RIMS2: variants seen among roughly 807,000 people sequenced by gnomAD.
RIMS2 encodes the protein regulating synaptic membrane exocytosis protein 2.
RIMS2 carries 59 observed loss-of-function variants against 174.4 expected under a neutral mutation model. That is an observed-to-expected ratio of 0.34 (90% CI 0.27 to 0.42). The LOEUF is 0.42. RIMS2 is among the 10% of genes least tolerant of loss of function. The pLI is 1.00. For missense variants in RIMS2, 1,620 were observed against 1,666.3 expected, an observed-to-expected ratio of 0.97 and a Z score of 0.48; for synonymous variants, 606 against 572.5, an observed-to-expected ratio of 1.06 and a Z score of -0.84.
chr8:103,998,321 C>T, intron 17 of RIMS2: 1 of 1,000,344 alleles, frequency 1.0e-6, no homozygotes, highest in Non-Finnish European at 1.5e-6. Flanking sequence ...ATATAGTTCA[C>T]TTTTATTTCT....
chr8:104,028,528 G>T (rs2096307798), intron 19 of RIMS2, among the ~76,000 whole-genome samples: 1 of 151,954 alleles, frequency 6.6e-6, no homozygotes, highest in South Asian at 2.1e-4. Context: ...CTTTAATTAT[G>T]TTTTAAAAAT....
intron 19 of RIMS2, among the ~76,000 whole-genome samples, chr8:104,161,876 TG>T (rs1203255917): frequency 6.6e-6 from 1 of 152,220 alleles, no homozygotes; most frequent in Non-Finnish European, 1.5e-5. Context: ...CCCATTTTCC[TG>T]GACATATGAC....
At chr8:104,086,266 G>GT (rs377670155) in intron 19 of RIMS2, among the ~76,000 whole-genome samples, 24,932 of 112,752 alleles carry the variant, frequency 0.22, 2,760 homozygotes, top group East Asian at 0.55. Flanking sequence ...GTTCTGGTGG[G>GT]TTTTTTTTTT....
chr8:103,610,585 T>A (rs1368337351), intron 1 of RIMS2, among the ~76,000 whole-genome samples: 1 of 152,234 alleles, frequency 6.6e-6, no homozygotes, highest in Non-Finnish European at 1.5e-5. Context: ...TCTATTGCGA[T>A]AATGATGTGC....
At position 103,740,232 on chromosome 8, in the gene RIMS2, C is replaced by T. The variant is rs2097746358; in HGVS notation, c.388-25995C>T. Among the ~76,000 whole-genome samples the T allele has an allele frequency of 2.0e-5, 3 of 152,144 alleles. No individual in the cohort carries two copies. In the South Asian group the frequency reaches 6.2e-4, roughly 31 times the overall value. On this transcript the variant is annotated intron_variant, in intron 2 of 23. Transcript: ENST00000504942. ...GGAGGGGAAGAATATACGTTGTTAACATGCCAAGTGGGAACGTGAAATGTA... is the reference window on the plus strand; with the variant it reads ...GGAGGGGAAGAATATACGTTGTTAATATGCCAAGTGGGAACGTGAAATGTA...
chr8:103,740,459 A>G (rs1040676899), intron 2 of RIMS2, among the ~76,000 whole-genome samples: 3 of 152,168 alleles, frequency 2.0e-5, no homozygotes, highest in African/African-American at 7.2e-5. Context: ...TGCTCAGAAA[A>G]TATTGTACAC....
At chr8:103,670,858 A>G (rs1399750693) in intron 1 of RIMS2, among the ~76,000 whole-genome samples, 1 of 152,134 alleles carries the variant, frequency 6.6e-6, no homozygotes, top group East Asian at 1.9e-4. Flanking sequence ...AGACTGTCCA[A>G]ATCTCTGGAC....
At chr8:104,134,003 A>G (rs1228027590) in intron 19 of RIMS2, among the ~76,000 whole-genome samples, 1 of 152,214 alleles carries the variant, frequency 6.6e-6, no homozygotes, top group East Asian at 1.9e-4. Flanking sequence ...AAAGAAGCTC[A>G]GCCTACTAAC....
At chr8:103,654,689 T>C (rs1230991962) in intron 1 of RIMS2, among the ~76,000 whole-genome samples, 1 of 151,948 alleles carries the variant, frequency 6.6e-6, no homozygotes, top group South Asian at 2.1e-4. Context: ...TTATAAGGCT[T>C]CTTCTTTCTG....
At chr8:103,887,132 CTCTT>C (rs1318503548) in intron 4 of RIMS2, among the ~76,000 whole-genome samples, 8 of 151,740 alleles carry the variant, frequency 5.3e-5, no homozygotes, top group Non-Finnish European at 7.4e-5. Flanking sequence ...CAAAAATGCT[CTCTT>C]TGTCATTTTA....
At chr8:103,819,618 G>A in intron 3 of RIMS2, 1 of 1,612,214 alleles carries the variant, frequency 6.2e-7, no homozygotes, top group South Asian at 1.1e-5. Flanking sequence ...GACAAACACT[G>A]AACAATGCAA....
rs200726657 is a variant in RIMS2 at position 103,858,615 on chromosome 8, G to GTATA, written c.699-26673_699-26670dup. Reference sequence around the variant, plus strand: ...TATGTGTGTGTGTCTGTGTGTGTGTGTATATATATATATTTCTCCTAGCTG... The same window carrying GTATA: ...TATGTGTGTGTGTCTGTGTGTGTGTGTATATATATATATATATTTCTCCTAGCTG... On this transcript the variant is annotated intron_variant, in intron 3 of 23. Transcript: ENST00000504942. Among the ~76,000 whole-genome samples, 12 of 149,388 alleles carry GTATA rather than the reference G, an allele frequency of 8.0e-5. No homozygotes were observed. In the East Asian group the frequency reaches 1.6e-3, roughly 20 times the overall value.
intron 3 of RIMS2, among the ~76,000 whole-genome samples, chr8:103,841,078 C>T (rs1018237909): frequency 6.6e-6 from 1 of 152,154 alleles, no homozygotes; most frequent in Admixed American, 6.5e-5. Flanking sequence ...CAGATTGCTA[C>T]GTATTGTCAG....
At chr8:103,568,452 G>T (rs977883158) in intron 1 of RIMS2, among the ~76,000 whole-genome samples, 4 of 152,196 alleles carry the variant, frequency 2.6e-5, no homozygotes, top group Non-Finnish European at 4.4e-5. Flanking sequence ...TAATGTTTCT[G>T]TAACTGTTGG....
At chr8:104,186,896 C>T (rs1268301438) in intron 19 of RIMS2, among the ~76,000 whole-genome samples, 2 of 151,710 alleles carry the variant, frequency 1.3e-5, no homozygotes, top group African/African-American at 4.8e-5. Context: ...CTGCCACAAT[C>T]TTCTAGATTT....
chr8:103,583,979 A>G (rs1277319493), intron 1 of RIMS2, among the ~76,000 whole-genome samples: 1 of 152,206 alleles, frequency 6.6e-6, no homozygotes, highest in African/African-American at 2.4e-5. Flanking sequence ...TTATAGAACT[A>G]AAGCAGTACT....
At chr8:104,080,918 G>GGATAACTTCATAT in intron 19 of RIMS2, among the ~76,000 whole-genome samples, 1 of 152,106 alleles carries the variant, frequency 6.6e-6, no homozygotes, top group East Asian at 1.9e-4. Flanking sequence ...TTCATATGAA[G>GGATAACTTCATAT]GAAGGGACTT....
chr8:103,711,971 C>T (rs2137993519), intron 2 of RIMS2, among the ~76,000 whole-genome samples: 1 of 151,718 alleles, frequency 6.6e-6, no homozygotes, highest in African/African-American at 2.4e-5. Flanking sequence ...TGCATCCTAA[C>T]CATTTAAACT....
At chr8:103,742,564 A>G (rs2097771926) in intron 2 of RIMS2, among the ~76,000 whole-genome samples, 1 of 152,138 alleles carries the variant, frequency 6.6e-6, no homozygotes, top group Non-Finnish European at 1.5e-5. Context: ...CAGACGCAAT[A>G]ACCCTTTTTG....
Sources: gnomAD v4.1 joint callset for allele counts (sites outside exome capture counted in the v4.1 genomes callset) on GRCh38, gnomAD v4.1.1 for gene constraint, MANE v1.5 for transcripts, NCBI Gene and HGNC (gene_info 2026-07-23, HGNC 2026-07-21) for gene names.